Variants in MORF4L1 observed in about 807,000 individuals in gnomAD.
The protein encoded by MORF4L1 is mortality factor 4 like 1.
In MORF4L1, 4 loss-of-function variants were observed where a neutral mutation model predicts 52.9. That is an observed-to-expected ratio of 0.08 (90% CI 0.04 to 0.17). MORF4L1 has a LOEUF of 0.17. Among genes scored for constraint, MORF4L1 ranks in the 10% least tolerant of loss-of-function variants. The probability of loss-of-function intolerance (pLI) is 1.00; values close to 1 mark genes in which losing one functional copy is unlikely to be tolerated. For missense variants in MORF4L1, 214 were observed against 390.4 expected (o/e 0.55, Z 3.81); for synonymous variants, 123 against 134.8 (o/e 0.91, Z 0.61).
chr15:78,874,061 ACTCC>A (rs1423397993), intron 1 of MORF4L1: 3 of 152,090 alleles, frequency 2.0e-5, no homozygotes, highest in African/African-American at 4.8e-5. Flanking sequence ...GGTTAGACTG[ACTCC>A]CAGTGGAAGG....
rs560883138 is a variant in MORF4L1, at chr15:78,886,619, T to C, written c.242+392T>C. Among the ~76,000 whole-genome samples the C allele has an allele frequency of 3.3e-5, 5 of 152,286 alleles. No homozygotes were observed. The South Asian group carries it at 1.0e-3, about 32-fold the overall frequency. ...GGAAAAGGGACCCTGAAAGACTCTATGATTTATAGGGTAATCTCAAAGTTG... is the reference window on the plus strand; with the variant it reads ...GGAAAAGGGACCCTGAAAGACTCTACGATTTATAGGGTAATCTCAAAGTTG... On this transcript the variant is annotated intron_variant, in intron 4 of 11. Coordinates refer to ENST00000426013, the MANE Select transcript of MORF4L1 (RefSeq NM_006791.4).
At position 78,889,188 on chromosome 15, in the gene MORF4L1, G is replaced by A. The variant is rs1219748573; in HGVS notation, c.324-1801G>A. On this transcript the variant is annotated intron_variant, in intron 5 of 11. Transcript: ENST00000426013. ...AATTTCCCATTCTTGAACAGTAGAA[G>A]CCTCTTCAAACTGGCTTCTGAGTCT... Among the ~76,000 whole-genome samples, 4 of 152,118 alleles carry A rather than the reference G, an allele frequency of 2.6e-5. No homozygotes were observed. The East Asian group carries it at 7.7e-4, about 29-fold the overall frequency.
chr15:78,894,031 T>A, intron 9 of MORF4L1, 27 bp from the exon 10 acceptor site: 2 of 1,591,636 alleles, frequency 1.3e-6, no homozygotes, highest in Non-Finnish European at 1.7e-6. Context: ...ATTGACCAGT[T>A]TTGGAATATT....
chr15:78,890,881 C>A, intron 5 of MORF4L1, 108 bp from the exon 6 acceptor site: 1 of 1,096,188 alleles, frequency 9.1e-7, no homozygotes, highest in South Asian at 1.8e-5. Context: ...CCACCTGATC[C>A]TTTATCCAAG....
At chr15:78,886,044 ATTAC>A in intron 3 of MORF4L1, 93 bp from the exon 4 acceptor site, 3 of 846,398 alleles carry the variant, frequency 3.5e-6, no homozygotes, top group Non-Finnish European at 2.0e-6. Context: ...AGTTCATCAA[ATTAC>A]TTAAGAGAAA....
chr15:78,895,052 A>G (rs945731014), intron 11 of MORF4L1, 148 bp downstream of exon 11: 3 of 653,108 alleles, frequency 4.6e-6, no homozygotes, highest in Non-Finnish European at 8.1e-6. Context: ...GTGCAAACAC[A>G]TGGGAGTCTC....
At chr15:78,874,453 G>GC (rs910804638) in intron 1 of MORF4L1, among the ~76,000 whole-genome samples, 58 of 152,026 alleles carry the variant, frequency 3.8e-4, no homozygotes, top group Non-Finnish European at 7.5e-4. Context: ...GCTCACCTCT[G>GC]CCCCCCACCC....
At chr15:78,878,397 C>A (rs562759890) in intron 2 of MORF4L1, 138 bp downstream of exon 2, 10 of 607,320 alleles carry the variant, frequency 1.6e-5, no homozygotes, top group African/African-American at 1.5e-4. Context: ...TAAATTTCTT[C>A]ATCTTTCTGA....
At chr15:78,894,942 A>C in intron 11 of MORF4L1, 38 bp downstream of exon 11, 1 of 1,514,386 alleles carries the variant, frequency 6.6e-7, no homozygotes, top group East Asian at 2.3e-5. Flanking sequence ...TGGATTTGAA[A>C]ATTAGCGTGT....
chr15:78,874,583 CTTTTT>C (rs56665378), intron 1 of MORF4L1, among the ~76,000 whole-genome samples: 4 of 112,188 alleles, frequency 3.6e-5, no homozygotes, highest in African/African-American at 1.0e-4. Flanking sequence ...CTTTTTCTTT[CTTTTT>C]TTTTTTTTTT....
chr15:78,884,677 ACACACACAC>A (rs2056667592), intron 3 of MORF4L1, among the ~76,000 whole-genome samples: 10 of 150,352 alleles, frequency 6.7e-5, no homozygotes, highest in Admixed American at 1.3e-4. Context: ...ACACACACAC[ACACACACAC>A]AAATATCTCA....
rs2056722852 is a variant in MORF4L1, at chr15:78,887,295, G to A, written c.269G>A (p.Arg90Lys). ...NQEQYAEGKM[R>K]GAAPGKKTSG... is the part of the protein sequence containing the mutation. Reference sequence around the variant, plus strand: ...GAGCAGTATGCAGAGGGGAAGATGAGAGGGGCTGCCCCAGGAAAGAAGACA... The same window carrying A: ...GAGCAGTATGCAGAGGGGAAGATGAAAGGGGCTGCCCCAGGAAAGAAGACA... The change falls in exon 5 of 12, where the codon AGA (arginine) becomes AAA (lysine). Residue 90 changes from arginine (R) to lysine (K), a missense_variant. This residue lies in a region of MORF4L1 where 84 missense variants were observed against 116.3 expected (regional missense o/e 0.72). Transcript: ENST00000426013. 2 of 1,611,590 alleles carry A rather than the reference G, an allele frequency of 1.2e-6. No individual in the cohort carries two copies. The highest frequency in any genetic ancestry group is 2.2e-5 in the South Asian group (2 of 90,850).
At chr15:78,881,129 TG>T (rs1270488659) in intron 3 of MORF4L1, among the ~76,000 whole-genome samples, 1 of 147,238 alleles carries the variant, frequency 6.8e-6, no homozygotes, top group Non-Finnish European at 1.5e-5. Flanking sequence ...CTTTTTAGCA[TG>T]GTTTAACACA....
chr15:78,887,409 T>C, intron 5 of MORF4L1, 60 bp downstream of exon 5: 1 of 1,447,532 alleles, frequency 6.9e-7, no homozygotes, highest in South Asian at 1.2e-5. Context: ...TTTATGTTCA[T>C]TGTGTGTTAG....
chr15:78,895,141 C>G (rs551648721), intron 11 of MORF4L1, among the ~76,000 whole-genome samples: 15 of 152,288 alleles, frequency 9.8e-5, no homozygotes, highest in African/African-American at 3.6e-4. Flanking sequence ...GGTGATAAGA[C>G]AGCTGACAGT....
At chr15:78,881,172 A>G (rs952730066) in intron 3 of MORF4L1, among the ~76,000 whole-genome samples, 13 of 136,762 alleles carry the variant, frequency 9.5e-5, no homozygotes, top group African/African-American at 3.0e-4. Flanking sequence ...TTAATTTCTC[A>G]CCCCTAAGAG....
chr15:78,879,228 C>T (rs1372616731), intron 2 of MORF4L1, among the ~76,000 whole-genome samples: 2 of 152,034 alleles, frequency 1.3e-5, no homozygotes, highest in East Asian at 1.9e-4. Flanking sequence ...GCTCCCCGCC[C>T]CGCCCCGCCC....
intron 5 of MORF4L1, among the ~76,000 whole-genome samples, chr15:78,889,071 C>T (rs575104880): frequency 9.2e-5 from 14 of 152,226 alleles, no homozygotes; most frequent in African/African-American, 2.6e-4. Flanking sequence ...GTAGTATGCC[C>T]ATAAGTTATT....
chr15:78,888,710 C>T (rs2056748828), intron 5 of MORF4L1, among the ~76,000 whole-genome samples: 1 of 152,002 alleles, frequency 6.6e-6, no homozygotes, highest in African/African-American at 2.4e-5. Flanking sequence ...CCACTGCGCT[C>T]CAGCCTCTTA....
Sources: allele counts gnomAD v4.1 joint callset (sites outside exome capture counted in the v4.1 genomes callset), GRCh38; gene constraint gnomAD v4.1.1; regional missense constraint gnomAD v4.1.1; transcripts MANE v1.5; gene names NCBI Gene and HGNC (gene_info 2026-07-23, HGNC 2026-07-21).